ERAP1: variants seen among roughly 807,000 people sequenced by gnomAD.
ERAP1 encodes the protein adipocyte-derived leucine aminopeptidase.
A neutral mutation model predicts 103.7 loss-of-function variants in ERAP1; 86 were observed. That is an observed-to-expected ratio of 0.83 (90% CI 0.70 to 0.99). The LOEUF (loss-of-function observed/expected upper bound fraction) is 0.99, where lower values mean the gene tolerates loss of function less well. Among genes scored for constraint, ERAP1 ranks in the 50% least tolerant of loss-of-function variants. ERAP1 has a pLI of 0.00. For missense variants in ERAP1, 1,009 were observed against 1,128.4 expected (o/e 0.89, Z 1.52); for synonymous variants, 398 against 402.4 (o/e 0.99, Z 0.13).
At chr5:96,792,431 A>G (rs1190389451) in intron 7 of ERAP1, among the ~76,000 whole-genome samples, 4 of 152,228 alleles carry the variant, frequency 2.6e-5, no homozygotes, top group Non-Finnish European at 5.9e-5. Flanking sequence ...TTTAGAATAA[A>G]GAAAATTTCG....
At chr5:96,847,990 T>C in the ERAP1 span, among the ~76,000 whole-genome samples, 2 of 139,592 alleles carry the variant, frequency 1.4e-5, no homozygotes, top group African/African-American at 5.3e-5. Context: ...ATAAATGAAA[T>C]AGAGACTAGA....
chr5:96,812,299 A>C (rs1480386526), upstream of ERAP1, among the ~76,000 whole-genome samples: 1 of 152,260 alleles, frequency 6.6e-6, no homozygotes, highest in Non-Finnish European at 1.5e-5. Flanking sequence ...ATGTGTCTGG[A>C]TAAATCATGT....
chr5:96,870,713 G>T, the ERAP1 span, among the ~76,000 whole-genome samples: 1,243 of 152,264 alleles, frequency 8.2e-3, 9 homozygotes, highest in Non-Finnish European at 0.011. Flanking sequence ...TTATTACTAT[G>T]CTATTGAGTT....
At chr5:96,845,303 C>T in the ERAP1 span, among the ~76,000 whole-genome samples, 2 of 152,114 alleles carry the variant, frequency 1.3e-5, no homozygotes, top group African/African-American at 4.8e-5. Flanking sequence ...GGCACAATCT[C>T]AGCCCACTGT....
chr5:96,902,996 C>A, the ERAP1 span, among the ~76,000 whole-genome samples: 8 of 152,250 alleles, frequency 5.3e-5, no homozygotes, highest in South Asian at 1.7e-3. Flanking sequence ...ACAAATGGAT[C>A]ACCTATTTAC....
At chr5:96,820,204 TA>T in the ERAP1 span, among the ~76,000 whole-genome samples, 1 of 152,150 alleles carries the variant, frequency 6.6e-6, no homozygotes, top group South Asian at 2.1e-4. Context: ...TGGGAGAAAA[TA>T]TATACTCAAG....
chr5:96,777,605 CTACTT>C (rs3049849), intron 18 of ERAP1, among the ~76,000 whole-genome samples: 24,760 of 152,018 alleles, frequency 0.16, 2,293 homozygotes, highest in East Asian at 0.29. Context: ...ACTTCACTCT[CTACTT>C]TAAGTTGTAG....
chr5:96,826,089 C>T, the ERAP1 span, among the ~76,000 whole-genome samples: 1 of 152,240 alleles, frequency 6.6e-6, no homozygotes, highest in Non-Finnish European at 1.5e-5. Context: ...ATCTTCTATA[C>T]TCTAATGCTG....
the ERAP1 span, among the ~76,000 whole-genome samples, chr5:96,921,442 T>C: frequency 5.9e-5 from 9 of 152,256 alleles, no homozygotes; most frequent in African/African-American, 1.9e-4. Context: ...AAGCTGGCAG[T>C]ATAAACAGAT....
the ERAP1 span, among the ~76,000 whole-genome samples, chr5:96,845,823 T>C: frequency 6.6e-6 from 1 of 152,164 alleles, no homozygotes; most frequent in African/African-American, 2.4e-5. Flanking sequence ...ATACACACCT[T>C]CACATGCAAA....
chr5:96,933,511 T>C, the ERAP1 span, among the ~76,000 whole-genome samples: 3 of 152,210 alleles, frequency 2.0e-5, no homozygotes, highest in African/African-American at 7.2e-5. Flanking sequence ...ATTTGTCTCT[T>C]TGTCAAAGAA....
the ERAP1 span, among the ~76,000 whole-genome samples, chr5:96,840,309 G>T: frequency 6.6e-6 from 1 of 152,180 alleles, no homozygotes; most frequent in East Asian, 1.9e-4. Flanking sequence ...ATCAGCCCCA[G>T]ATTATAATCT....
intron 19 of ERAP1, among the ~76,000 whole-genome samples, chr5:96,763,980 C>T (rs969192390): frequency 2.7e-5 from 4 of 150,302 alleles, no homozygotes; most frequent in African/African-American, 7.3e-5. Context: ...AAAAAGCCTG[C>T]TTAGTTCACT....
chr5:96,872,327 C>T, the ERAP1 span, among the ~76,000 whole-genome samples: 5 of 123,980 alleles, frequency 4.0e-5, no homozygotes, highest in Non-Finnish European at 6.8e-5. Flanking sequence ...CCGAATGAGA[C>T]CCTGTCTCAA....
intron 11 of ERAP1, among the ~76,000 whole-genome samples, chr5:96,786,922 C>T (rs1025505576): frequency 6.6e-6 from 1 of 152,134 alleles, no homozygotes; most frequent in African/African-American, 2.4e-5. Context: ...GATATGTAAG[C>T]TGAACCTGAT....
the ERAP1 span, among the ~76,000 whole-genome samples, chr5:96,892,122 G>C: frequency 4.6e-5 from 7 of 152,168 alleles, no homozygotes; most frequent in East Asian, 9.6e-4. Context: ...TTGATAATGG[G>C]CACTGATTAT....
At chr5:96,836,176 G>GTTTTTTTTTTTTTTTTTTTTTTTTGTT in the ERAP1 span, among the ~76,000 whole-genome samples, 5 of 106,678 alleles carry the variant, frequency 4.7e-5, no homozygotes, top group East Asian at 2.7e-4. Context: ...CACCTCTTTG[G>GTTTTTTTTTTTTTTTTTTTTTTTTGTT]TTTTTTTTTT....
At chr5:96,809,404 A>G (rs1779012578), upstream of ERAP1, among the ~76,000 whole-genome samples, 1 of 151,928 alleles carries the variant, frequency 6.6e-6, no homozygotes, top group East Asian at 1.9e-4. Context: ...TGGGAACAGG[A>G]CCCTTTTCAT....
At chr5:96,796,529 T>C (rs756906874) in intron 4 of ERAP1, among the ~76,000 whole-genome samples, 6 of 152,268 alleles carry the variant, frequency 3.9e-5, no homozygotes, top group East Asian at 1.9e-4. Context: ...TTAGAGACCA[T>C]TGCAGGATCT....
Sources: allele counts gnomAD v4.1 joint callset (sites outside exome capture counted in the v4.1 genomes callset), GRCh38; gene constraint gnomAD v4.1.1; transcripts MANE v1.5; gene names NCBI Gene and HGNC (gene_info 2026-07-23, HGNC 2026-07-21).